Variants in MAGED1 observed in about 807,000 individuals in gnomAD.
The protein encoded by MAGED1 is MAGE family member D1.
A neutral mutation model predicts 54.1 loss-of-function variants in MAGED1; 3 were observed. The observed-to-expected ratio is 0.06, with a 90% CI of 0.03 to 0.14. MAGED1 has a LOEUF of 0.14. Among genes scored for constraint, MAGED1 ranks in the 10% least tolerant of loss-of-function variants. The pLI, the probability that MAGED1 is intolerant of heterozygous loss-of-function variation, is 1.00. For missense variants in MAGED1, 485 were observed against 623.4 expected (o/e 0.78, Z 2.36); for synonymous variants, 217 against 227.3 (o/e 0.95, Z 0.41).
In MAGED1 at chrX:51,846,978, A is replaced by G. The variant is rs1488314651; in HGVS notation, c.-37+43861A>G. ...TAAGAAAATACATTTGTATTGTTTT[A>G]AGCAACTAAGTTTGTCATAATTTGT... On this transcript the variant is annotated intron_variant, in intron 1 of 12. Transcript: ENST00000375772. 2.7e-5 allele frequency among the ~76,000 whole-genome samples: 3 copies of G among 112,270 alleles called. No individual in the cohort carries two copies. The Admixed American group carries it at 2.8e-4, about 11-fold the overall frequency.
intron 1 of MAGED1, among the ~76,000 whole-genome samples, chrX:51,807,422 A>G (rs1370071338): frequency 1.8e-5 from 2 of 111,279 alleles, no homozygotes; most frequent in African/African-American, 6.5e-5. Flanking sequence ...GATGAACTGA[A>G]TATCTGAATT....
intron 1 of MAGED1, among the ~76,000 whole-genome samples, chrX:51,877,306 A>G (rs1289507937): frequency 1.8e-5 from 2 of 111,546 alleles, no homozygotes; most frequent in Admixed American, 1.9e-4. Flanking sequence ...CATTAATAAT[A>G]ATAATAAATA....
chrX:51,871,388 C>T (rs1927666873), intron 1 of MAGED1, among the ~76,000 whole-genome samples: 1 of 109,807 alleles, frequency 9.1e-6, no homozygotes, highest in African/African-American at 3.3e-5. Flanking sequence ...TCGTCATTTA[C>T]ATTAGGTATA....
intron 1 of MAGED1, among the ~76,000 whole-genome samples, chrX:51,807,988 G>C (rs1925091625): frequency 9.0e-6 from 1 of 111,686 alleles, no homozygotes; most frequent in Middle Eastern, 4.6e-3. Context: ...TCAGTTTAGG[G>C]AGCAGATATC....
At chrX:51,868,545 A>T (rs898867675) in intron 1 of MAGED1, among the ~76,000 whole-genome samples, 93 of 111,679 alleles carry the variant, frequency 8.3e-4, no homozygotes, top group Middle Eastern at 4.6e-3. Flanking sequence ...GATCATGAAG[A>T]CAGAGGCAAT....
intron 1 of MAGED1, among the ~76,000 whole-genome samples, chrX:51,807,780 TC>T (rs1161891287): frequency 8.9e-6 from 1 of 112,261 alleles, no homozygotes; most frequent in African/African-American, 3.2e-5. Flanking sequence ...GGTTTGTCTA[TC>T]CTTGTATGAA....
chrX:51,881,572 T>C (rs1928058669), intron 1 of MAGED1, among the ~76,000 whole-genome samples: 1 of 109,519 alleles, frequency 9.1e-6, no homozygotes, highest in Non-Finnish European at 1.9e-5. Flanking sequence ...CTTGCCACCA[T>C]GACCAGCTAA....
chrX:51,891,446 C>T (rs782193321), upstream of MAGED1, among the ~76,000 whole-genome samples: 3 of 112,808 alleles, frequency 2.7e-5, no homozygotes, highest in South Asian at 1.1e-3. Flanking sequence ...GATGAGTGTG[C>T]ATTATTTGTA....
Position 51,901,821 on chromosome X carries a change from G to C in MAGED1, c.2228G>C (p.Arg743Pro). The C allele has an allele frequency of 8.3e-7, 1 of 1,211,419 alleles. No homozygotes were observed. Among genetic ancestry groups the C allele is most frequent in the Non-Finnish European group, 1.1e-6 (1 of 895,432 alleles). ...TFWARYHQNA[R>P]SRFPQTFAGP... Reference sequence around the variant, plus strand: ...TGGGCCAGATACCACCAGAATGCCCGCTCCAGATTCCCTCAGACCTTTGCC... The same window carrying C: ...TGGGCCAGATACCACCAGAATGCCCCCTCCAGATTCCCTCAGACCTTTGCC... The change falls in exon 12 of 13, where the codon CGC becomes CCC. Residue 743 changes from arginine (R) to proline (P), a missense_variant. Coordinates refer to ENST00000326587, the MANE Select transcript of MAGED1 (RefSeq NM_006986.4).
At chrX:51,835,921 CT>C (rs1926230230) in intron 1 of MAGED1, among the ~76,000 whole-genome samples, 1 of 111,727 alleles carries the variant, frequency 9.0e-6, no homozygotes, top group Admixed American at 9.5e-5. Flanking sequence ...CAAAAAAATT[CT>C]TTTCTGTTTC....
rs1035793353 is a variant in MAGED1 at position 51,811,108 on chromosome X, G to A, written c.-37+7991G>A. On this transcript the variant is annotated intron_variant, in intron 1 of 12. Transcript: ENST00000375772. ...GTTACAGTTAGGAGATGTCTATTTC[G>A]TGTTTTAGTTCACTGCTTCTTTATT... Among the ~76,000 whole-genome samples the A allele has an allele frequency of 1.3e-4, 15 of 111,509 alleles. 1 individual carries two copies. The highest frequency in any genetic ancestry group is 1.1e-3 in the South Asian group (3 of 2,656).
intron 1 of MAGED1, among the ~76,000 whole-genome samples, chrX:51,861,051 C>A (rs1196821840): frequency 9.0e-6 from 1 of 110,845 alleles, no homozygotes; most frequent in African/African-American, 3.3e-5. Context: ...AATTCAAGAG[C>A]AATTTGGACC....
intron 1 of MAGED1, among the ~76,000 whole-genome samples, chrX:51,846,457 G>T (rs1926690339): frequency 8.9e-6 from 1 of 111,740 alleles, no homozygotes; most frequent in African/African-American, 3.3e-5. Flanking sequence ...TTCCCCAAAA[G>T]CCTCCAGAAG....
intron 1 of MAGED1, among the ~76,000 whole-genome samples, chrX:51,886,825 C>T (rs1331091166): frequency 9.0e-6 from 1 of 110,682 alleles, no homozygotes; most frequent in Admixed American, 9.6e-5. Context: ...GAGGCTGAGG[C>T]GGGAGCAATC....
intron 1 of MAGED1, among the ~76,000 whole-genome samples, chrX:51,871,924 T>C (rs1466283456): frequency 8.9e-6 from 1 of 111,850 alleles, no homozygotes; most frequent in African/African-American, 3.3e-5. Context: ...CTCCACATCC[T>C]CTCCAGCATC....
At chrX:51,896,107 G>A (rs1359662304) in intron 3 of MAGED1, 1 of 375,384 alleles carries the variant, frequency 2.7e-6, no homozygotes, top group Non-Finnish European at 4.5e-6. Context: ...TACAAAGAAG[G>A]AAATTAAGTG....
intron 1 of MAGED1, among the ~76,000 whole-genome samples, chrX:51,843,347 G>C (rs1283146213): frequency 8.9e-6 from 1 of 111,845 alleles, no homozygotes; most frequent in Admixed American, 9.5e-5. Flanking sequence ...TGGATTATTA[G>C]GATGGGCCCA....
intron 1 of MAGED1, among the ~76,000 whole-genome samples, chrX:51,809,165 A>G (rs782008558): frequency 1.8e-5 from 2 of 110,574 alleles, no homozygotes; most frequent in Non-Finnish European, 3.8e-5. Flanking sequence ...CCCAGGCTAG[A>G]GTGCAGTGGC....
upstream of MAGED1, among the ~76,000 whole-genome samples, chrX:51,890,832 C>CAAAAAAAAAAAAAAAAAAAAAAAA (rs11393540): frequency 3.2e-5 from 2 of 62,921 alleles, no homozygotes; most frequent in Non-Finnish European, 2.9e-5. Flanking sequence ...ATAAGATTGG[C>CAAAAAAAAAAAAAAAAAAAAAAAA]AAAAAAAAAA....
Sources: gnomAD v4.1 joint callset for allele counts (sites outside exome capture counted in the v4.1 genomes callset) on GRCh38, gnomAD v4.1.1 for gene constraint, MANE v1.5 for transcripts, NCBI Gene and HGNC (gene_info 2026-07-23, HGNC 2026-07-21) for gene names.